DISC1: variants seen among roughly 807,000 people sequenced by gnomAD.
DISC1 encodes the protein DISC1 scaffold protein, also known as disrupted in schizophrenia 1 protein.
A neutral mutation model predicts 84.5 loss-of-function variants in DISC1; 57 were observed. That is an observed-to-expected ratio of 0.67 (90% confidence interval 0.55 to 0.84). DISC1 has a LOEUF of 0.84. DISC1 is among the 40% of genes least tolerant of loss of function. The pLI is 0.00. For missense variants in DISC1, 1,000 were observed against 1,057.8 expected, an observed-to-expected ratio of 0.95 and a Z score of 0.76; for synonymous variants, 411 against 415.2, an observed-to-expected ratio of 0.99 and a Z score of 0.12.
At position 232,031,235 on chromosome 1, in the gene DISC1, AAG is replaced by A. The variant is rs1413848137; in HGVS notation, c.2425+4688_2425+4689del. Among the ~76,000 whole-genome samples, 7 of 146,048 alleles carry A rather than the reference AAG, an allele frequency of 4.8e-5. 1 individual carries two copies. Among genetic ancestry groups the A allele is most frequent in the East Asian group, 4.0e-4 (2 of 4,978 alleles). Reference sequence around the variant, plus strand: ...GAAGGAAGGGAGAAAGAGAGAGAGAAAGAGAGGAAGGAAGGAAGGAGAAAGAA... The same window carrying A: ...GAAGGAAGGGAGAAAGAGAGAGAGAAAGAGGAAGGAAGGAAGGAGAAAGAA... On this transcript the variant is annotated intron_variant, in intron 12 of 12. Coordinates refer to ENST00000439617, the MANE Select transcript of DISC1 (RefSeq NM_018662.3). The surrounding 1 kb of genome is among the most constrained non-coding windows in gnomAD (Gnocchi z 4.6).
intron 6 of DISC1, among the ~76,000 whole-genome samples, chr1:231,773,551 A>AT (rs146306327): frequency 0.019 from 2,844 of 152,094 alleles, 112 homozygotes; most frequent in East Asian, 0.18. Context: ...CACCCAGCTA[A>AT]TTTTTTGTAT....
chr1:231,858,569 C>T (rs1446029342), intron 9 of DISC1, among the ~76,000 whole-genome samples: 1 of 152,188 alleles, frequency 6.6e-6, no homozygotes, highest in African/African-American at 2.4e-5. Flanking sequence ...TACTCTTTCT[C>T]AACCTTCTTA....
intron 3 of DISC1, among the ~76,000 whole-genome samples, chr1:231,731,472 G>A (rs2071503649): frequency 6.6e-6 from 1 of 152,136 alleles, no homozygotes; most frequent in African/African-American, 2.4e-5. Flanking sequence ...TGTTGCCATG[G>A]CAATGGTAAA....
chr1:231,729,343 T>C (rs2071207529), intron 3 of DISC1, among the ~76,000 whole-genome samples: 1 of 152,354 alleles, frequency 6.6e-6, no homozygotes, highest in East Asian at 1.9e-4. Flanking sequence ...TTATAATCCT[T>C]TGGGTATATA....
chr1:231,870,597 T>C (rs2085387335), intron 9 of DISC1, among the ~76,000 whole-genome samples: 1 of 152,170 alleles, frequency 6.6e-6, no homozygotes, highest in South Asian at 2.1e-4. Flanking sequence ...TCCATAAGGC[T>C]TCAGCTTGAT....
At chr1:231,949,684 C>A (rs1657971063) in intron 9 of DISC1, among the ~76,000 whole-genome samples, 1 of 152,180 alleles carries the variant, frequency 6.6e-6, no homozygotes, top group Non-Finnish European at 1.5e-5. Flanking sequence ...ACTACGTCTT[C>A]CTGCTAGTGT....
At chr1:231,743,984 T>A (rs2073659084) in intron 3 of DISC1, among the ~76,000 whole-genome samples, 1 of 152,204 alleles carries the variant, frequency 6.6e-6, no homozygotes, top group Non-Finnish European at 1.5e-5. Flanking sequence ...AGGCACGCTG[T>A]GACTCATGTT....
chr1:231,764,131 C>G (rs2793085), intron 4 of DISC1, among the ~76,000 whole-genome samples: 121,776 of 152,160 alleles, frequency 0.8, 49,314 homozygotes, highest in Middle Eastern at 0.91. Flanking sequence ...GAGGGGATAG[C>G]TTTAATTTGG....
intron 3 of DISC1, among the ~76,000 whole-genome samples, chr1:231,733,500 GGTGATGGTGAGA>G (rs951694635): frequency 2.7e-5 from 4 of 146,938 alleles, no homozygotes; most frequent in Non-Finnish European, 4.5e-5. Context: ...TGGCAGTGCT[GGTGATGGTGAGA>G]GTGATGGTGG....
At chr1:231,903,434 G>C (rs1242009004) in intron 9 of DISC1, among the ~76,000 whole-genome samples, 1 of 152,152 alleles carries the variant, frequency 6.6e-6, no homozygotes, top group Non-Finnish European at 1.5e-5. Flanking sequence ...GAGTAAGGCA[G>C]GCAAATAAAT....
chr1:232,024,150 G>A (rs1669230074), intron 11 of DISC1, among the ~76,000 whole-genome samples: 5 of 151,754 alleles, frequency 3.3e-5, no homozygotes, highest in Admixed American at 3.3e-4. Flanking sequence ...ACCTTCAAGG[G>A]TGCTTCACAC....
chr1:231,638,230 T>G (rs2059350833), intron 1 of DISC1, among the ~76,000 whole-genome samples: 1 of 152,200 alleles, frequency 6.6e-6, no homozygotes, highest in Admixed American at 6.5e-5. Flanking sequence ...ATATTCTGGA[T>G]ATTGTTGGAT....
chr1:231,996,234 G>T (rs1484836823), intron 10 of DISC1, among the ~76,000 whole-genome samples: 4 of 152,100 alleles, frequency 2.6e-5, no homozygotes, highest in Non-Finnish European at 4.4e-5. Flanking sequence ...GTAGATTCTG[G>T]ATATTAGCCA....
chr1:231,958,755 C>A (rs1014943298), intron 9 of DISC1, 73 bp from the exon 10 acceptor site: 2 of 1,468,978 alleles, frequency 1.4e-6, no homozygotes, highest in Non-Finnish European at 1.9e-6. Context: ...TGGCTTTGAG[C>A]TTTTAGTTGA....
chr1:231,920,240 G>C (rs2089913066), intron 9 of DISC1, among the ~76,000 whole-genome samples: 1 of 152,172 alleles, frequency 6.6e-6, no homozygotes, highest in African/African-American at 2.4e-5. Context: ...TGTTTTTATT[G>C]TGGTAAAATG....
chr1:231,731,732 G>T (rs894312663), intron 3 of DISC1, among the ~76,000 whole-genome samples: 1 of 152,130 alleles, frequency 6.6e-6, no homozygotes, highest in African/African-American at 2.4e-5. Flanking sequence ...TTTTCCAAAA[G>T]CTGCTTTCTT....
intron 4 of DISC1, among the ~76,000 whole-genome samples, chr1:231,760,023 A>G (rs2075515939): frequency 6.6e-6 from 1 of 152,208 alleles, no homozygotes. Flanking sequence ...GGCCAGTGGC[A>G]TCAGGCATAA....
At chr1:231,699,480 T>C (rs2124856801) in intron 2 of DISC1, among the ~76,000 whole-genome samples, 1 of 152,236 alleles carries the variant, frequency 6.6e-6, no homozygotes, top group Middle Eastern at 3.4e-3. Flanking sequence ...TCCTGGTGCA[T>C]TTTCCTCAGA....
chr1:231,890,239 A>G (rs1375029184), intron 9 of DISC1, among the ~76,000 whole-genome samples: 1 of 152,150 alleles, frequency 6.6e-6, no homozygotes, highest in Non-Finnish European at 1.5e-5. Flanking sequence ...TGTGCCTTCT[A>G]TGGCTCTGAT....
Sources: allele counts gnomAD v4.1 joint callset (sites outside exome capture counted in the v4.1 genomes callset), GRCh38; gene constraint gnomAD v4.1.1; non-coding constraint Gnocchi (gnomAD v3.1); transcripts MANE v1.5; gene names NCBI Gene and HGNC (gene_info 2026-07-23, HGNC 2026-07-21).